The following ZC2HC1B variants were observed in gnomAD, a reference collection of about 807,000 sequenced individuals.
ZC2HC1B encodes the protein zinc finger C2HC-type containing 1B.
A neutral mutation model predicts 31.0 loss-of-function variants in ZC2HC1B; 36 were observed. The observed-to-expected ratio is 1.16, with a 90% CI of 0.89 to 1.54. The LOEUF (loss-of-function observed/expected upper bound fraction) is 1.54. Among genes scored for constraint, ZC2HC1B ranks in the 40% most tolerant of loss-of-function variants. The pLI is 0.00. For synonymous variants in ZC2HC1B, 73 were observed against 88.0 expected (o/e 0.83, Z 0.95); for missense variants, 260 against 268.6 (o/e 0.97, Z 0.22).
In ZC2HC1B at chr6:143,918,683, A is replaced by G. The variant is rs896691928; in HGVS notation, c.598+15531A>G. Among the ~76,000 whole-genome samples, 1 of 152,040 alleles carries G rather than the reference A, an allele frequency of 6.6e-6. No homozygotes were observed. Among genetic ancestry groups the G allele is most frequent in the African/African-American group, 2.4e-5 (1 of 41,384 alleles). ...GCTCCTTCAGGTATTCCCACAATGC[A>G]TATGTTGGTCAGTTTGACAGTGTCC... On this transcript the variant is annotated intron_variant, in intron 6 of 7. Transcript: ENST00000237275. This position sits in a 1 kb window ranked among gnomAD's most constrained non-coding sequence, Gnocchi z 4.1.
chr6:143,870,665 C>T lies in ZC2HC1B; in HGVS notation c.28+6098C>T, dbSNP rs1049537067. Among the ~76,000 whole-genome samples, 1 of 152,210 alleles carries T rather than the reference C, an allele frequency of 6.6e-6. No individual in the cohort carries two copies. Among genetic ancestry groups the T allele is most frequent in the Non-Finnish European group, 1.5e-5 (1 of 68,036 alleles). Reference sequence around the variant, plus strand: ...CCCACAGTCAAACGTTCAGTTTCCACCAAAGCCCAGTAACAGGCCAAGAGC... The same window carrying T: ...CCCACAGTCAAACGTTCAGTTTCCATCAAAGCCCAGTAACAGGCCAAGAGC... On this transcript the variant is annotated intron_variant, in intron 1 of 7. Transcript: ENST00000237275. This position sits in a 1 kb window ranked among gnomAD's most constrained non-coding sequence, Gnocchi z 4.7.
chr6:143,881,060 C>T (rs905377310), intron 1 of ZC2HC1B, among the ~76,000 whole-genome samples: 2 of 152,164 alleles, frequency 1.3e-5, no homozygotes, highest in African/African-American at 4.8e-5. Flanking sequence ...CATTCTAACC[C>T]CATAGAATCA....
rs1777697367 is a variant in ZC2HC1B, at chr6:143,898,573, G to A, written c.371G>A (p.Cys124Tyr). 1 of 1,551,716 alleles carries A rather than the reference G, an allele frequency of 6.4e-7. No homozygotes were observed. Among genetic ancestry groups the A allele is most frequent in the Non-Finnish European group, 8.7e-7 (1 of 1,146,978 alleles). ...TCAGATTATATTCAACGTCCATATT[G>A]TATGAGAAGGTTTAATGAAAGCGCA... ...LNPDYIQRPY[C>Y]MRRFNESAAE... Residue 124 changes from cysteine to tyrosine, a missense_variant, in exon 5 of 8, where the codon TGT becomes TAT. Cys to Tyr is a radical substitution (Grantham distance 194). Coordinates refer to ENST00000237275, the MANE Select transcript of ZC2HC1B (RefSeq NM_001013623.3).
chr6:143,913,109 A>G lies in ZC2HC1B; in HGVS notation c.598+9957A>G, dbSNP rs1582969753. ...GCCCACAGTCCAGAACAGCTAAGTC[A>G]TCCAACCAACCCAGGTGACAGCCCT... is the stretch of plus-strand genomic sequence containing the variant. On this transcript the variant is annotated intron_variant, in intron 6 of 7. Coordinates refer to ENST00000237275, the MANE Select transcript of ZC2HC1B (RefSeq NM_001013623.3). The surrounding 1 kb of genome is among the most constrained non-coding windows in gnomAD (Gnocchi z 5.7). 6.6e-6 allele frequency among the ~76,000 whole-genome samples: 1 copy of G among 152,210 alleles called. No homozygotes were observed.
intron 4 of ZC2HC1B, among the ~76,000 whole-genome samples, chr6:143,893,703 T>C (rs1445668049): frequency 6.6e-6 from 1 of 152,084 alleles, no homozygotes; most frequent in East Asian, 1.9e-4. Flanking sequence ...TCTTTTCTTT[T>C]TGAGACAGAG....
intron 4 of ZC2HC1B, among the ~76,000 whole-genome samples, chr6:143,897,182 C>T (rs756658106): frequency 6.6e-6 from 1 of 151,894 alleles, no homozygotes; most frequent in Non-Finnish European, 1.5e-5. Context: ...ACATGAAATA[C>T]CCATCCACGC....
In ZC2HC1B at chr6:143,905,523, C is replaced by T. The variant is rs550812068; in HGVS notation, c.598+2371C>T. 2.6e-5 allele frequency among the ~76,000 whole-genome samples: 4 copies of T among 152,274 alleles called. No homozygotes were observed. The highest frequency in any genetic ancestry group is 2.1e-4 in the South Asian group (1 of 4,826). Reference sequence around the variant, plus strand: ...GTGAACAGAGATAATTTTACTTCCTCCTTTCCAATTTGGATGCCTTTTAAT... The same window carrying T: ...GTGAACAGAGATAATTTTACTTCCTTCTTTCCAATTTGGATGCCTTTTAAT... On this transcript the variant is annotated intron_variant, in intron 6 of 7. Transcript: ENST00000237275. The surrounding 1 kb of genome is among the most constrained non-coding windows in gnomAD (Gnocchi z 4.2).
Position 143,915,076 on chromosome 6 carries a change from A to G in ZC2HC1B, c.598+11924A>G, listed in dbSNP as rs1342861211. Among the ~76,000 whole-genome samples, 2 of 152,122 alleles carry G rather than the reference A, an allele frequency of 1.3e-5. No homozygotes were observed. The highest frequency in any genetic ancestry group is 2.9e-5 in the Non-Finnish European group (2 of 68,002). Reference sequence around the variant, plus strand: ...AGCTTTTTTGTTCCTCGTTTCCTGCATCACTGTTGATATGATTTGGCTGTG... The same window carrying G: ...AGCTTTTTTGTTCCTCGTTTCCTGCGTCACTGTTGATATGATTTGGCTGTG... On this transcript the variant is annotated intron_variant, in intron 6 of 7. Coordinates refer to ENST00000237275, the MANE Select transcript of ZC2HC1B (RefSeq NM_001013623.3). The surrounding 1 kb of genome is among the most constrained non-coding windows in gnomAD (Gnocchi z 5.2).
rs747961417 is a variant in ZC2HC1B, at chr6:143,911,662, G to A, written c.598+8510G>A. Reference sequence around the variant, plus strand: ...ACTGTTAGTCTGATGGCTTGCCTTTGTAGGTGACCTGGCCTTTCTCTCTGG... The same window carrying A: ...ACTGTTAGTCTGATGGCTTGCCTTTATAGGTGACCTGGCCTTTCTCTCTGG... On this transcript the variant is annotated intron_variant, in intron 6 of 7. Transcript: ENST00000237275. This position sits in a 1 kb window ranked among gnomAD's most constrained non-coding sequence, Gnocchi z 4.5. Among the ~76,000 whole-genome samples the A allele has an allele frequency of 6.6e-6, 1 of 152,220 alleles. No individual in the cohort carries two copies. Among genetic ancestry groups the A allele is most frequent in the Non-Finnish European group, 1.5e-5 (1 of 68,012 alleles).
rs1404263122 is a variant in ZC2HC1B, at chr6:143,870,111, T to G, written c.28+5544T>G. Among the ~76,000 whole-genome samples the G allele has an allele frequency of 2.6e-5, 4 of 152,234 alleles. No homozygotes were observed. On this transcript the variant is annotated intron_variant, in intron 1 of 7. Coordinates refer to ENST00000237275, the MANE Select transcript of ZC2HC1B (RefSeq NM_001013623.3). The surrounding 1 kb of genome is among the most constrained non-coding windows in gnomAD (Gnocchi z 4.7). ...ATCATGCTTCTTCCAAGTCCCTGAC[T>G]ATCCAGCCAAACTACTGGCAACAGC...
At position 143,921,731 on chromosome 6, in the gene ZC2HC1B, A is replaced by T. The variant is rs2128496961; in HGVS notation, c.599-15918A>T. Among the ~76,000 whole-genome samples, 1 of 152,254 alleles carries T rather than the reference A, an allele frequency of 6.6e-6. No homozygotes were observed. The highest frequency in any genetic ancestry group is 1.9e-4 in the East Asian group (1 of 5,182). On this transcript the variant is annotated intron_variant, in intron 6 of 7. Coordinates refer to ENST00000237275, the MANE Select transcript of ZC2HC1B (RefSeq NM_001013623.3). This position sits in a 1 kb window ranked among gnomAD's most constrained non-coding sequence, Gnocchi z 6.1. ...GATCACTGGATGCCAGAAGTTCAAG[A>T]CCAGCCTGGGCAACATAGCAAGACC...
At chr6:143,936,433 A>T (rs904811706) in intron 6 of ZC2HC1B, among the ~76,000 whole-genome samples, 6 of 152,336 alleles carry the variant, frequency 3.9e-5, no homozygotes, top group Non-Finnish European at 8.8e-5. Flanking sequence ...CCAAAAATAT[A>T]AATATTAAGG....
rs1248017080 is a variant in ZC2HC1B at position 143,868,323 on chromosome 6, T to C, written c.28+3756T>C. On this transcript the variant is annotated intron_variant, in intron 1 of 7. Coordinates refer to ENST00000237275, the MANE Select transcript of ZC2HC1B (RefSeq NM_001013623.3). The surrounding 1 kb of genome is among the most constrained non-coding windows in gnomAD (Gnocchi z 4.2). ...AACTCACAATCACAAGGTCCCACAATAGGCCGTCTGCAAGCTGAGGAGCAA... is the reference window on the plus strand; with the variant it reads ...AACTCACAATCACAAGGTCCCACAACAGGCCGTCTGCAAGCTGAGGAGCAA... Among the ~76,000 whole-genome samples the C allele has an allele frequency of 6.6e-6, 1 of 152,184 alleles. No homozygotes were observed. The highest frequency in any genetic ancestry group is 6.5e-5 in the Admixed American group (1 of 15,280).
chr6:143,897,852 C>T (rs1777685560), intron 4 of ZC2HC1B, among the ~76,000 whole-genome samples: 1 of 152,342 alleles, frequency 6.6e-6, no homozygotes, highest in African/African-American at 2.4e-5. Context: ...CCCAGCACTA[C>T]AACCTATGCT....
rs4896687 is a variant in ZC2HC1B, at chr6:143,905,994, A to G, written c.598+2842A>G. On this transcript the variant is annotated intron_variant, in intron 6 of 7. Coordinates refer to ENST00000237275, the MANE Select transcript of ZC2HC1B (RefSeq NM_001013623.3). The surrounding 1 kb of genome is among the most constrained non-coding windows in gnomAD (Gnocchi z 4.2). ...GGATTTTTGCATTAATGTTCATAAG[A>G]GATGTAGTTTTCTTATAGCATCTTT... Among the ~76,000 whole-genome samples, 102,618 of 152,004 alleles carry G rather than the reference A, an allele frequency of 0.68. 35,622 individuals carry two copies. The highest frequency in any genetic ancestry group is 0.84 in the African/African-American group (34,968 of 41,486).
intron 6 of ZC2HC1B, among the ~76,000 whole-genome samples, chr6:143,927,137 A>G (rs1490163806): frequency 6.6e-6 from 1 of 151,950 alleles, no homozygotes; most frequent in African/African-American, 2.4e-5. Flanking sequence ...CTTTATCATT[A>G]TATGGTGACC....
At chr6:143,898,497 T>A in intron 4 of ZC2HC1B, 55 bp from the exon 5 acceptor site, 1 of 1,531,982 alleles carries the variant, frequency 6.5e-7, no homozygotes, top group Non-Finnish European at 8.8e-7. Context: ...TTCTATAGTA[T>A]TCTATAGTTG....
At position 143,934,597 on chromosome 6, in the gene ZC2HC1B, A is replaced by G. The variant is rs78119441; in HGVS notation, c.599-3052A>G. On this transcript the variant is annotated intron_variant, in intron 6 of 7. Transcript: ENST00000237275. This position sits in a 1 kb window ranked among gnomAD's most constrained non-coding sequence, Gnocchi z 4.6. ...TCTTCCAATTTTTGAATTGGCCTTC[A>G]TAGGAAAGACTTCTTCCTACATATG... Among the ~76,000 whole-genome samples, 3,302 of 152,272 alleles carry G rather than the reference A, an allele frequency of 0.022. 58 individuals carry two copies. Among genetic ancestry groups the G allele is most frequent in the South Asian group, 0.067 (323 of 4,832 alleles).
rs893333115 is a variant in ZC2HC1B at position 143,915,688 on chromosome 6, T to C, written c.598+12536T>C. On this transcript the variant is annotated intron_variant, in intron 6 of 7. Transcript: ENST00000237275. The surrounding 1 kb of genome is among the most constrained non-coding windows in gnomAD (Gnocchi z 5.2). ...ACTTGTTGGGAACTGGATCAAAGGT[T>C]CCTCTTGTTATGTTTTAGCAAAGAG... Among the ~76,000 whole-genome samples the C allele has an allele frequency of 6.6e-6, 1 of 152,158 alleles. No homozygotes were observed. The highest frequency in any genetic ancestry group is 2.4e-5 in the African/African-American group (1 of 41,434).
Sources: allele counts gnomAD v4.1 joint callset (sites outside exome capture counted in the v4.1 genomes callset), GRCh38; gene constraint gnomAD v4.1.1; non-coding constraint Gnocchi (gnomAD v3.1); transcripts MANE v1.5; gene names NCBI Gene and HGNC (gene_info 2026-07-23, HGNC 2026-07-21).